Variants in ARRB1 observed in about 807,000 individuals in gnomAD.
ARRB1 encodes arrestin beta 1.
In ARRB1, 21 loss-of-function variants were observed where a neutral mutation model predicts 56.8. The observed-to-expected ratio is 0.37, with a 90% confidence interval of 0.26 to 0.53. The LOEUF is 0.53. ARRB1 is among the 20% of genes least tolerant of loss of function. The probability of loss-of-function intolerance (pLI) is 0.88; values close to 1 mark genes in which losing one functional copy is unlikely to be tolerated. For synonymous variants in ARRB1, 210 were observed against 218.6 expected, an observed-to-expected ratio of 0.96 and a Z score of 0.35; for missense variants, 424 against 553.7, an observed-to-expected ratio of 0.77 and a Z score of 2.35.
intron 1 of ARRB1, among the ~76,000 whole-genome samples, chr11:75,330,443 G>A (rs989467842): frequency 6.6e-6 from 1 of 152,094 alleles, no homozygotes; most frequent in Non-Finnish European, 1.5e-5. Context: ...CCAGCCCCTG[G>A]GCTGGCCCCT....
At chr11:75,317,147 C>G (rs1947278679) in intron 1 of ARRB1, among the ~76,000 whole-genome samples, 1 of 152,210 alleles carries the variant, frequency 6.6e-6, no homozygotes, top group Non-Finnish European at 1.5e-5. Context: ...ACTTGTGGCA[C>G]TGGCTGGCAA....
chr11:75,267,420 G>C (rs1490097624), intron 15 of ARRB1, among the ~76,000 whole-genome samples: 1 of 152,178 alleles, frequency 6.6e-6, no homozygotes, highest in Non-Finnish European at 1.5e-5. Flanking sequence ...GTGCAAGGAC[G>C]AGGGAGGAAG....
intron 1 of ARRB1, among the ~76,000 whole-genome samples, chr11:75,317,857 T>G (rs567929614): frequency 6.6e-6 from 1 of 152,088 alleles, no homozygotes; most frequent in South Asian, 2.1e-4. Flanking sequence ...TTCCTAGAGG[T>G]TACCCCCTAG....
chr11:75,272,736 A>C, intron 12 of ARRB1, 159 bp downstream of exon 12: 1 of 640,548 alleles, frequency 1.6e-6, no homozygotes, highest in Non-Finnish European at 2.7e-6. Context: ...CGGGGGAGAA[A>C]GAGGAACAGA....
rs938015279 is a variant in ARRB1 at position 75,287,404 on chromosome 11, G to A, written c.52-29C>T. ...AGGAGGAGAGGCATAGGGGGCGTTA[G>A]CAGCTGCAGGCCCAGAGGACACAGG... On this transcript the variant is annotated intron_variant, in intron 2 of 15. Coordinates refer to ENST00000420843, the MANE Select transcript of ARRB1 (RefSeq NM_004041.5). 3 of 1,552,700 alleles carry A rather than the reference G, an allele frequency of 1.9e-6. No individual in the cohort carries two copies. The African/African-American group carries it at 4.1e-5, about 21-fold the overall frequency.
intron 1 of ARRB1, among the ~76,000 whole-genome samples, chr11:75,314,765 C>A (rs1453937938): frequency 6.6e-6 from 1 of 151,086 alleles, no homozygotes; most frequent in African/African-American, 2.4e-5. Context: ...CACCACCACA[C>A]CCAGCTCATT....
intron 1 of ARRB1, among the ~76,000 whole-genome samples, chr11:75,313,772 T>G (rs508435): frequency 0.62 from 93,953 of 152,032 alleles, 29,826 homozygotes; most frequent in African/African-American, 0.77. Flanking sequence ...TAAGGAAAAT[T>G]GGTCCCCCGG....
chr11:75,286,255 C>CTTTTTTTTTTTTTTTTTTTT (rs60988072), intron 3 of ARRB1, among the ~76,000 whole-genome samples: 1 of 38,678 alleles, frequency 2.6e-5, no homozygotes, highest in African/African-American at 1.1e-4. Context: ...ATTTGCTCAT[C>CTTTTTTTTTTTTTTTTTTTT]TTTTTTTTTT....
At position 75,343,925 on chromosome 11, in the gene ARRB1, C is replaced by A. The variant is rs1009416550; in HGVS notation, c.20+7663G>T. Among the ~76,000 whole-genome samples, 6 of 152,218 alleles carry A rather than the reference C, an allele frequency of 3.9e-5. No individual in the cohort carries two copies. The East Asian group carries it at 9.7e-4, about 25-fold the overall frequency. ...CCGCCTCCCGGGTTCATGCTATTCT[C>A]CTGCCTCAGCCTCCGGAGTAGCTGG... On this transcript the variant is annotated intron_variant, in intron 1 of 15. Transcript: ENST00000420843.
rs187897673 is a variant in ARRB1, at chr11:75,346,135, C to G, written c.20+5453G>C. Among the ~76,000 whole-genome samples, 39 of 152,228 alleles carry G rather than the reference C, an allele frequency of 2.6e-4. No homozygotes were observed. The East Asian group carries it at 7.0e-3, about 27-fold the overall frequency. On this transcript the variant is annotated intron_variant, in intron 1 of 15. Transcript: ENST00000420843. ...CCCACACCTGCAGCCAGTATCTGCA[C>G]CTTGGCCTAGGCTCTTTCTTCTGTC... is the stretch of plus-strand genomic sequence containing the variant.
chr11:75,341,611 A>G (rs536314314), intron 1 of ARRB1, among the ~76,000 whole-genome samples: 2 of 152,242 alleles, frequency 1.3e-5, no homozygotes, highest in African/African-American at 4.8e-5. Context: ...CTGAATTCCA[A>G]ACTCCAAACC....
At chr11:75,269,782 C>T (rs1054174188) in intron 13 of ARRB1, among the ~76,000 whole-genome samples, 1 of 152,238 alleles carries the variant, frequency 6.6e-6, no homozygotes, top group African/African-American at 2.4e-5. Flanking sequence ...TTGCCCAAGG[C>T]CACACAGCTA....
At chr11:75,347,652 CA>C (rs1199824657) in intron 1 of ARRB1, among the ~76,000 whole-genome samples, 1 of 152,110 alleles carries the variant, frequency 6.6e-6, no homozygotes, top group Non-Finnish European at 1.5e-5. Context: ...CTTTGTGGGT[CA>C]ATAGGCCTGG....
chr11:75,324,627 TA>T (rs1947402690), intron 1 of ARRB1, among the ~76,000 whole-genome samples: 1 of 151,904 alleles, frequency 6.6e-6, no homozygotes, highest in Non-Finnish European at 1.5e-5. Flanking sequence ...GGGTGTGGAA[TA>T]GGGGGCAGCA....
chr11:75,283,226 C>A, intron 5 of ARRB1, 61 bp downstream of exon 5: 1 of 1,529,416 alleles, frequency 6.5e-7, no homozygotes, highest in Non-Finnish European at 8.9e-7. Context: ...TATGCCCACC[C>A]CAGAGGGCTT....
Position 75,326,223 on chromosome 11 carries a change from C to T in ARRB1, c.20+25365G>A, listed in dbSNP as rs144828866. Among the ~76,000 whole-genome samples, 760 of 152,246 alleles carry T rather than the reference C, an allele frequency of 5.0e-3. 4 individuals are homozygous for T. Among genetic ancestry groups the T allele is most frequent in the African/African-American group, 0.018 (730 of 41,526 alleles). ...GAGGAGGGTGCTGCCGGAGGATGTG[C>T]GAGAGCTCCTGAGAGAGGCACTGAG... On this transcript the variant is annotated intron_variant, in intron 1 of 15. Transcript: ENST00000420843.
chr11:75,348,519 G>A (rs1312512626), intron 1 of ARRB1, among the ~76,000 whole-genome samples: 1 of 152,136 alleles, frequency 6.6e-6, no homozygotes, highest in Non-Finnish European at 1.5e-5. Context: ...AACATTTGTT[G>A]AATGAATATA....
At chr11:75,334,390 T>C (rs1034022479) in intron 1 of ARRB1, among the ~76,000 whole-genome samples, 13 of 151,518 alleles carry the variant, frequency 8.6e-5, no homozygotes, top group Non-Finnish European at 1.9e-4. Context: ...TATAACCACT[T>C]TCACCCTCTT....
chr11:75,338,708 A>G (rs917361479), intron 1 of ARRB1, among the ~76,000 whole-genome samples: 2 of 152,228 alleles, frequency 1.3e-5, no homozygotes, highest in Non-Finnish European at 2.9e-5. Context: ...GCTGTGGAAC[A>G]GTCAGCGCAG....
Sources: allele counts gnomAD v4.1 joint callset (sites outside exome capture counted in the v4.1 genomes callset), GRCh38; gene constraint gnomAD v4.1.1; transcripts MANE v1.5; gene names NCBI Gene and HGNC (gene_info 2026-07-23, HGNC 2026-07-21).